Variants in ADGRL3 observed in about 807,000 individuals in gnomAD.
ADGRL3 encodes the protein calcium-independent alpha-latrotoxin receptor 3.
In ADGRL3, 62 loss-of-function variants were observed where a neutral mutation model predicts 153.5. The ratio of observed to expected loss-of-function variants is 0.40; its 90% CI spans 0.33 to 0.50. The LOEUF (loss-of-function observed/expected upper bound fraction) is 0.50. Among genes scored for constraint, ADGRL3 ranks in the 20% least tolerant of loss-of-function variants. ADGRL3 has a pLI of 0.47. For missense variants in ADGRL3, 1,641 were observed against 1,859.4 expected (o/e 0.88, Z 2.16); for synonymous variants, 710 against 672.5 (o/e 1.06, Z -0.86).
chr4:61,224,707 C>T (rs899981378), intron 1 of ADGRL3, among the ~76,000 whole-genome samples: 4 of 152,174 alleles, frequency 2.6e-5, no homozygotes, highest in East Asian at 1.9e-4. Context: ...CCAGACTCAG[C>T]GGCCTGGCTA....
intron 21 of ADGRL3, among the ~76,000 whole-genome samples, chr4:62,001,577 G>T: frequency 6.6e-6 from 1 of 152,204 alleles, no homozygotes; most frequent in African/African-American, 2.4e-5. Flanking sequence ...TGGTTGTAAA[G>T]AAATCAGCAG....
intron 5 of ADGRL3, among the ~76,000 whole-genome samples, chr4:61,621,769 A>G (rs2092533830): frequency 6.6e-6 from 1 of 152,090 alleles, no homozygotes; most frequent in Non-Finnish European, 1.5e-5. Flanking sequence ...AGGACATTTT[A>G]GTGTTTTATT....
intron 1 of ADGRL3, among the ~76,000 whole-genome samples, chr4:61,213,142 G>T (rs1289819735): frequency 1.3e-5 from 2 of 152,152 alleles, no homozygotes; most frequent in Non-Finnish European, 2.9e-5. Flanking sequence ...ATGAAAGAAA[G>T]CATTAGATTT....
At chr4:61,578,422 C>G (rs1186997293) in intron 4 of ADGRL3, among the ~76,000 whole-genome samples, 1 of 152,082 alleles carries the variant, frequency 6.6e-6, no homozygotes, top group Non-Finnish European at 1.5e-5. Flanking sequence ...ATTCCAGTAT[C>G]TTCCTCATTA....
chr4:61,277,185 G>T (rs1288002999), intron 1 of ADGRL3, among the ~76,000 whole-genome samples: 1 of 152,070 alleles, frequency 6.6e-6, no homozygotes, highest in Non-Finnish European at 1.5e-5. Flanking sequence ...CATAGTGGAT[G>T]TATAATTTGG....
intron 4 of ADGRL3, among the ~76,000 whole-genome samples, chr4:61,520,649 C>CCT (rs1187598478): frequency 2.4e-4 from 8 of 33,894 alleles, no homozygotes; most frequent in Admixed American, 4.4e-4. Context: ...CTTCTATAAA[C>CCT]CTCTGTGTGT....
At chr4:61,237,250 T>G (rs1753196797) in intron 1 of ADGRL3, among the ~76,000 whole-genome samples, 1 of 152,198 alleles carries the variant, frequency 6.6e-6, no homozygotes, top group Non-Finnish European at 1.5e-5. Flanking sequence ...ATCCTTTCAA[T>G]TTTAAGTAGC....
chr4:61,680,514 T>G (rs2095313815), intron 6 of ADGRL3, among the ~76,000 whole-genome samples: 1 of 149,616 alleles, frequency 6.7e-6, no homozygotes, highest in African/African-American at 2.5e-5. Context: ...AAAACAAAAT[T>G]TATAGGAAAA....
chr4:61,928,580 A>C (rs1004116682), intron 13 of ADGRL3, among the ~76,000 whole-genome samples: 10 of 152,182 alleles, frequency 6.6e-5, no homozygotes, highest in African/African-American at 2.4e-4. Context: ...AATCTTGTTA[A>C]ATTACATTGG....
intron 8 of ADGRL3, among the ~76,000 whole-genome samples, chr4:61,758,107 G>A (rs2096860644): frequency 6.6e-6 from 1 of 152,184 alleles, no homozygotes; most frequent in Non-Finnish European, 1.5e-5. Flanking sequence ...ATTGATTTGG[G>A]ATGGAGAGTT....
intron 17 of ADGRL3, among the ~76,000 whole-genome samples, chr4:61,973,660 A>C (rs1002488698): frequency 2.0e-5 from 3 of 151,920 alleles, no homozygotes; most frequent in Non-Finnish European, 4.4e-5. Context: ...TTCCTTTAAG[A>C]AGCTAATTTC....
At chr4:61,317,246 C>A (rs1042264711) in intron 1 of ADGRL3, among the ~76,000 whole-genome samples, 6 of 152,144 alleles carry the variant, frequency 3.9e-5, no homozygotes, top group African/African-American at 1.4e-4. Flanking sequence ...AGAACTAAAT[C>A]TGGGAGTGTA....
chr4:61,443,994 T>C (rs888546940), intron 2 of ADGRL3, among the ~76,000 whole-genome samples: 2 of 148,870 alleles, frequency 1.3e-5, no homozygotes, highest in Admixed American at 6.6e-5. Flanking sequence ...TGAATCAGCG[T>C]GAGTGTCATT....
intron 26 of ADGRL3, 44 bp from the exon 27 acceptor site, chr4:62,070,065 G>C: frequency 6.6e-7 from 1 of 1,507,176 alleles, no homozygotes; most frequent in South Asian, 1.2e-5. Context: ...GTGTTCTATG[G>C]CTTGTTGGAT....
chr4:61,449,159 C>A (rs961713273), intron 2 of ADGRL3, among the ~76,000 whole-genome samples: 2 of 151,308 alleles, frequency 1.3e-5, no homozygotes, highest in African/African-American at 4.9e-5. Context: ...TTTTTTGAGA[C>A]GGAGTCTCAC....
chr4:61,778,857 A>C (rs1455581057), intron 8 of ADGRL3, among the ~76,000 whole-genome samples: 1 of 152,194 alleles, frequency 6.6e-6, no homozygotes, highest in Non-Finnish European at 1.5e-5. Context: ...CAGGAGTTCA[A>C]GACCAGCCTG....
chr4:61,366,216 G>T (rs2096394147), intron 1 of ADGRL3, among the ~76,000 whole-genome samples: 1 of 152,114 alleles, frequency 6.6e-6, no homozygotes, highest in Admixed American at 6.6e-5. Context: ...ACAGCCACCA[G>T]AGCTGCTGAA....
intron 24 of ADGRL3, among the ~76,000 whole-genome samples, chr4:62,042,339 G>T (rs1187425094): frequency 1.3e-5 from 2 of 151,864 alleles, no homozygotes; most frequent in Non-Finnish European, 2.9e-5. Context: ...AATGTAGTAG[G>T]GGAAAAGGGA....
intron 4 of ADGRL3, among the ~76,000 whole-genome samples, chr4:61,576,215 G>A (rs2098879435): frequency 6.6e-6 from 1 of 151,998 alleles, no homozygotes; most frequent in Non-Finnish European, 1.5e-5. Flanking sequence ...GCAAAGCTTG[G>A]GAGAGGTGAC....
Sources: allele counts gnomAD v4.1 joint callset (sites outside exome capture counted in the v4.1 genomes callset), GRCh38; gene constraint gnomAD v4.1.1; transcripts MANE v1.5; gene names NCBI Gene and HGNC (gene_info 2026-07-23, HGNC 2026-07-21).